Variants in LHFPL3 observed in about 807,000 individuals in gnomAD.
LHFPL3 encodes the protein LHFPL tetraspan subfamily member 3.
In LHFPL3, 5 loss-of-function variants were observed where a neutral mutation model predicts 19.3. The ratio of observed to expected loss-of-function variants is 0.26; its 90% CI spans 0.14 to 0.54. LHFPL3 has a LOEUF of 0.54. Ranked by LOEUF, LHFPL3 falls within the 20% of genes least tolerant of loss-of-function variation. The probability of loss-of-function intolerance (pLI) is 0.94; values close to 1 mark genes in which losing one functional copy is unlikely to be tolerated. For missense variants in LHFPL3, 249 were observed against 307.4 expected, an observed-to-expected ratio of 0.81 and a Z score of 1.42; for synonymous variants, 133 against 126.2, an observed-to-expected ratio of 1.05 and a Z score of -0.36.
intron 1 of LHFPL3, among the ~76,000 whole-genome samples, chr7:104,700,687 T>C (rs369907273): frequency 6.6e-6 from 1 of 152,250 alleles, no homozygotes. Context: ...TTTTTAGCAT[T>C]GTAGTTAATG....
chr7:104,564,755 C>G (rs1332977446), intron 1 of LHFPL3, among the ~76,000 whole-genome samples: 1 of 152,110 alleles, frequency 6.6e-6, no homozygotes, highest in Non-Finnish European at 1.5e-5. Flanking sequence ...AGATAACAGA[C>G]CACTGCTGGG....
chr7:104,595,065 C>G (rs1197191546), intron 1 of LHFPL3, among the ~76,000 whole-genome samples: 3 of 152,222 alleles, frequency 2.0e-5, no homozygotes, highest in Non-Finnish European at 2.9e-5. Context: ...CATTCTCCGT[C>G]TAGCTTTGTT....
chr7:104,624,333 T>A (rs768652722), intron 1 of LHFPL3, among the ~76,000 whole-genome samples: 1 of 152,224 alleles, frequency 6.6e-6, no homozygotes. Context: ...CTCTAATTCA[T>A]TCCTGTGCTT....
At chr7:104,877,303 T>G (rs1185394470) in intron 2 of LHFPL3, among the ~76,000 whole-genome samples, 1 of 152,174 alleles carries the variant, frequency 6.6e-6, no homozygotes, top group Non-Finnish European at 1.5e-5. Flanking sequence ...ATTACTGGGT[T>G]AAAAGCAGTT....
At chr7:104,882,987 C>T (rs1160915090) in intron 2 of LHFPL3, among the ~76,000 whole-genome samples, 5 of 152,170 alleles carry the variant, frequency 3.3e-5, no homozygotes, top group African/African-American at 4.8e-5. Context: ...GAGCAAACCA[C>T]GCAATGTTTG....
intron 1 of LHFPL3, among the ~76,000 whole-genome samples, chr7:104,343,059 A>G (rs1261842813): frequency 3.4e-5 from 5 of 148,344 alleles, no homozygotes; most frequent in African/African-American, 2.5e-5. Context: ...GGTGGTCCCT[A>G]TACACTAAAG....
intron 2 of LHFPL3, among the ~76,000 whole-genome samples, chr7:104,794,539 G>A (rs142492194): frequency 5.3e-4 from 80 of 152,326 alleles, no homozygotes; most frequent in East Asian, 4.0e-3. Flanking sequence ...AGCTAGTGAT[G>A]TGTGCGATCA....
At chr7:104,384,288 A>C (rs1790890576) in intron 1 of LHFPL3, among the ~76,000 whole-genome samples, 1 of 152,222 alleles carries the variant, frequency 6.6e-6, no homozygotes, top group South Asian at 2.1e-4. Context: ...CAGCAAAGGA[A>C]AAAGAGAATA....
intron 2 of LHFPL3, among the ~76,000 whole-genome samples, chr7:104,860,513 G>A (rs758167978): frequency 3.1e-5 from 4 of 130,578 alleles, no homozygotes; most frequent in Non-Finnish European, 5.1e-5. Context: ...AGTCCTCCAA[G>A]GGCTGCCCTG....
intron 1 of LHFPL3, among the ~76,000 whole-genome samples, chr7:104,423,545 T>G (rs2116538877): frequency 6.6e-6 from 1 of 152,306 alleles, no homozygotes; most frequent in East Asian, 1.9e-4. Context: ...GACTAATTTT[T>G]TATCACTTGA....
chr7:104,455,483 G>T (rs1026657311), intron 1 of LHFPL3, among the ~76,000 whole-genome samples: 1 of 152,172 alleles, frequency 6.6e-6, no homozygotes, highest in Non-Finnish European at 1.5e-5. Flanking sequence ...CACTTTGGGA[G>T]GCTGAGGTGG....
chr7:104,804,207 C>T (rs1214590284), intron 2 of LHFPL3: 1 of 152,230 alleles, frequency 6.6e-6, no homozygotes, highest in Non-Finnish European at 1.5e-5. Context: ...TGTAAACTCA[C>T]CACTGTGAAC....
chr7:104,361,866 T>C (rs777425670), intron 1 of LHFPL3, among the ~76,000 whole-genome samples: 3 of 152,178 alleles, frequency 2.0e-5, no homozygotes, highest in Non-Finnish European at 4.4e-5. Context: ...CAGGCAATAA[T>C]TTTCTGCTCT....
intron 1 of LHFPL3, among the ~76,000 whole-genome samples, chr7:104,391,708 C>T (rs1446201937): frequency 6.6e-6 from 1 of 152,002 alleles, no homozygotes; most frequent in Non-Finnish European, 1.5e-5. Flanking sequence ...GTAGTTTTTT[C>T]CAATTCTGTG....
At chr7:104,629,431 G>A (rs896358332) in intron 1 of LHFPL3, among the ~76,000 whole-genome samples, 1 of 152,036 alleles carries the variant, frequency 6.6e-6, no homozygotes, top group Non-Finnish European at 1.5e-5. Flanking sequence ...GTTTCTGAGG[G>A]CTACAAGCCA....
chr7:104,558,505 C>T (rs1440470483), intron 1 of LHFPL3, among the ~76,000 whole-genome samples: 12 of 152,134 alleles, frequency 7.9e-5, no homozygotes, highest in African/African-American at 1.9e-4. Context: ...TCATGTCATT[C>T]GCCCACTTTT....
chr7:104,747,436 C>T (rs891167444), intron 2 of LHFPL3, among the ~76,000 whole-genome samples: 5 of 152,250 alleles, frequency 3.3e-5, no homozygotes, highest in South Asian at 2.1e-4. Context: ...AAGAATCCCC[C>T]GTGTAGAAAA....
chr7:104,358,571 G>T (rs1019631095), intron 1 of LHFPL3, among the ~76,000 whole-genome samples: 1 of 152,168 alleles, frequency 6.6e-6, no homozygotes, highest in Admixed American at 6.5e-5. Context: ...GAGAGCATAG[G>T]CAGGCTTTAC....
intron 1 of LHFPL3, among the ~76,000 whole-genome samples, chr7:104,488,661 GA>G (rs1282792997): frequency 6.6e-6 from 1 of 152,182 alleles, no homozygotes; most frequent in African/African-American, 2.4e-5. Context: ...AGCTGACCAT[GA>G]AGGAGGTCCA....
Sources: gnomAD v4.1 joint callset for allele counts (sites outside exome capture counted in the v4.1 genomes callset) on GRCh38, gnomAD v4.1.1 for gene constraint, MANE v1.5 for transcripts, NCBI Gene and HGNC (gene_info 2026-07-23, HGNC 2026-07-21) for gene names.